CPLANE1: variants seen among roughly 807,000 people sequenced by gnomAD.
CPLANE1 encodes ciliogenesis and planar polarity effector complex subunit 1, also known as ciliogenesis and planar polarity effector 1.
Under a neutral mutation model 362.5 loss-of-function variants are expected in CPLANE1, and 263 were observed. The ratio of observed to expected loss-of-function variants is 0.73; its 90% confidence interval spans 0.66 to 0.80. CPLANE1 has a LOEUF of 0.80. CPLANE1 is among the 30% of genes least tolerant of loss of function. The pLI is 0.00. For synonymous variants in CPLANE1, 1,212 were observed against 1,302.6 expected (o/e 0.93, Z 1.50); for missense variants, 3,461 against 3,793.4 (o/e 0.91, Z 2.30).
chr5:37,204,361 T>C (rs1026288984), intron 18 of CPLANE1, among the ~76,000 whole-genome samples: 2 of 152,224 alleles, frequency 1.3e-5, no homozygotes, highest in East Asian at 1.9e-4. Context: ...ACATTAAATA[T>C]ACGACATTAA....
intron 21 of CPLANE1, among the ~76,000 whole-genome samples, chr5:37,194,918 C>T (rs1387464646): frequency 6.6e-6 from 1 of 151,462 alleles, no homozygotes; most frequent in Non-Finnish European, 1.5e-5. Flanking sequence ...TTTGGGAGGC[C>T]GAGGCAGGTG....
intron 38 of CPLANE1, among the ~76,000 whole-genome samples, chr5:37,161,816 A>G (rs1298243370): frequency 6.6e-6 from 1 of 152,248 alleles, no homozygotes; most frequent in Non-Finnish European, 1.5e-5. Context: ...TCTTCTTCAT[A>G]GATTGCTAAA....
the CPLANE1 span, among the ~76,000 whole-genome samples, chr5:37,082,994 C>G: frequency 6.6e-6 from 1 of 152,050 alleles, no homozygotes; most frequent in East Asian, 1.9e-4. Flanking sequence ...CCAAGGGGAC[C>G]CACAGACTCT....
intron 46 of CPLANE1, among the ~76,000 whole-genome samples, chr5:37,133,357 C>T (rs1376535405): frequency 1.3e-5 from 2 of 151,908 alleles, no homozygotes; most frequent in African/African-American, 2.4e-5. Flanking sequence ...CTATAGATTG[C>T]TTTGGGCAGT....
intron 20 of CPLANE1, 24 bp from the exon 21 acceptor site, chr5:37,196,020 A>G: frequency 6.3e-7 from 1 of 1,576,600 alleles, no homozygotes; most frequent in Non-Finnish European, 8.6e-7. Context: ...ATAACCGAAC[A>G]TGTTAATTAT....
At chr5:37,210,447 A>G (rs564157085) in intron 16 of CPLANE1, 3 of 1,055,032 alleles carry the variant, frequency 2.8e-6, no homozygotes, top group South Asian at 1.3e-5. Context: ...GGACGACTAC[A>G]TCATTAGAAC....
rs984716870 is a variant in CPLANE1 at position 37,124,942 on chromosome 5, AG to A, written c.8958+301del. The A allele has an allele frequency of 2.7e-5, 30 of 1,105,530 alleles. No homozygotes were observed. The African/African-American group carries it at 4.9e-4, about 18-fold the overall frequency. The allele number at this position is 1,105,530 out of a possible 1,614,324, so 68.5% of individuals were successfully genotyped here. A position where few individuals can be genotyped will look rare whatever the true frequency, so the allele number is the denominator to read the frequency against. ...GCCAATGACTCTCATTGAAAATTAAAGGAAGAACTCCAATTGGTCACCCAAT... is the reference window on the plus strand; with the variant it reads ...GCCAATGACTCTCATTGAAAATTAAAGAAGAACTCCAATTGGTCACCCAAT... On this transcript the variant is annotated intron_variant, in intron 47 of 52. Coordinates refer to ENST00000651892, the MANE Select transcript of CPLANE1 (RefSeq NM_001384732.1).
At chr5:37,092,206 C>G in the CPLANE1 span, among the ~76,000 whole-genome samples, 2 of 152,278 alleles carry the variant, frequency 1.3e-5, no homozygotes, top group South Asian at 4.1e-4. Flanking sequence ...AGATTTACCC[C>G]CAGTGGGGTC....
At position 37,187,426 on chromosome 5, in the gene CPLANE1, T is replaced by C. The variant is rs1179314869; in HGVS notation, c.4068A>G (p.Pro1356=). Residue 1356 remains proline (P), a synonymous_variant, in exon 23 of 53, where the codon CCA becomes CCG. Transcript: ENST00000651892. ...ACAAGCACATTACCTTTCTGATTGG[T>C]GGCAGTTCTCCAATAAGGCTCAAAA... ...DIILSLIGEL[P]PIRKVAEIFV... 1 of 1,611,222 alleles carries C rather than the reference T, an allele frequency of 6.2e-7. No homozygotes were observed. Among genetic ancestry groups the C allele is most frequent in the East Asian group, 2.2e-5 (1 of 44,832 alleles).
At chr5:37,196,133 A>G (rs1302716550) in intron 20 of CPLANE1, 137 bp from the exon 21 acceptor site, 2 of 546,958 alleles carry the variant, frequency 3.7e-6, no homozygotes, top group Non-Finnish European at 5.8e-6. Context: ...CTATATTTTC[A>G]GAAACTTACA....
intron 21 of CPLANE1, among the ~76,000 whole-genome samples, chr5:37,194,373 A>G (rs953693626): frequency 6.6e-6 from 1 of 152,232 alleles, no homozygotes; most frequent in Admixed American, 6.5e-5. Context: ...TCAAAGGACT[A>G]TGTCCCTATT....
At chr5:37,246,628 C>T (rs538353261) in intron 2 of CPLANE1, 49 of 152,220 alleles carry the variant, frequency 3.2e-4, no homozygotes, top group African/African-American at 1.1e-3. Flanking sequence ...ACTTTGTTTT[C>T]ATATATTCTA....
chr5:37,248,797 C>T (rs2150894455), intron 1 of CPLANE1, among the ~76,000 whole-genome samples: 1 of 152,338 alleles, frequency 6.6e-6, no homozygotes, highest in East Asian at 1.9e-4. Flanking sequence ...ATCAGCGCTG[C>T]TAAAATTATT....
intron 16 of CPLANE1, chr5:37,211,435 T>G (rs192540020): frequency 1.3e-6 from 2 of 1,496,604 alleles, no homozygotes; most frequent in African/African-American, 2.8e-5. Flanking sequence ...GAAAGACGTA[T>G]TTTTGCAGAG....
the CPLANE1 span, among the ~76,000 whole-genome samples, chr5:37,088,325 G>C: frequency 1.3e-5 from 2 of 152,220 alleles, no homozygotes; most frequent in Admixed American, 6.5e-5. Context: ...CAGTTGGGGA[G>C]CTTCTATGAG....
the CPLANE1 span, among the ~76,000 whole-genome samples, chr5:37,079,467 T>C: frequency 2.0e-5 from 3 of 152,226 alleles, no homozygotes; most frequent in Non-Finnish European, 4.4e-5. Context: ...ATTAGTATCA[T>C]CTTTTTAAAT....
In CPLANE1 at chr5:37,247,629, A is replaced by T; in HGVS notation, c.70T>A (p.Trp24Arg). 6.4e-7 allele frequency: 1 copy of T among 1,550,790 alleles called. No homozygotes were observed. The highest frequency in any genetic ancestry group is 8.7e-7 in the Non-Finnish European group (1 of 1,146,374). ...KQKKPWPRVS[W>R]LGKEKEAVFL... is the part of the protein sequence containing the mutation. ...AAAGAAAAACCTACCTTTCCCAACC[A>T]GGAGACACGTGGCCATGGTTTTTTC... Residue 24 changes from tryptophan to arginine, a missense_variant, in exon 2 of 53, where the codon TGG (tryptophan) becomes AGG (arginine). Around this residue, in one of 2 missense-constraint regions of CPLANE1, gnomAD observed 3,380 missense variants for 3,666.1 expected, o/e 0.92. Transcript: ENST00000651892.
chr5:37,227,098 ATACT>A (rs1286450376), intron 11 of CPLANE1, 25 bp from the exon 12 acceptor site: 3 of 1,521,792 alleles, frequency 2.0e-6, no homozygotes, highest in African/African-American at 2.8e-5. Context: ...GAAAAAAATG[ATACT>A]TAATACCATT....
chr5:37,107,161 T>C lies in CPLANE1; in HGVS notation c.*441A>G, dbSNP rs7712558. ...CCTGCATAGGTGTTTTAAAATAGGG[T>C]TCATAATTGAGTTCTCAGGTGAGAC... On this transcript the variant is annotated 3_prime_UTR_variant, in exon 53 of 53. Coordinates refer to ENST00000651892, the MANE Select transcript of CPLANE1 (RefSeq NM_001384732.1). The C allele has an allele frequency of 2.0e-6, 2 of 985,568 alleles. No individual in the cohort carries two copies. The highest frequency in any genetic ancestry group is 3.5e-5 in the African/African-American group (2 of 57,222). 61.1% of individuals were successfully genotyped at this position (985,568 alleles called of 1,614,324 possible). A position where few individuals can be genotyped will look rare whatever the true frequency, so the allele number is the denominator to read the frequency against.
Sources: gnomAD v4.1 joint callset for allele counts (sites outside exome capture counted in the v4.1 genomes callset) on GRCh38, gnomAD v4.1.1 for gene constraint, gnomAD v4.1.1 regional missense constraint, MANE v1.5 for transcripts, NCBI Gene and HGNC (gene_info 2026-07-23, HGNC 2026-07-21) for gene names.